CAPN2: variants seen among roughly 807,000 people sequenced by gnomAD.
CAPN2 encodes calpain-2 catalytic subunit.
Under a neutral mutation model 102.3 loss-of-function variants are expected in CAPN2, and 92 were observed. The observed-to-expected ratio is 0.90, with a 90% CI of 0.76 to 1.07. The LOEUF (loss-of-function observed/expected upper bound fraction) is 1.07, where lower values mean the gene tolerates loss of function less well. CAPN2 is among the 50% of genes least tolerant of loss of function. CAPN2 has a pLI of 0.00. For missense variants in CAPN2, 800 were observed against 909.4 expected, an observed-to-expected ratio of 0.88 and a Z score of 1.55; for synonymous variants, 340 against 355.4, an observed-to-expected ratio of 0.96 and a Z score of 0.49.
At position 223,759,023 on chromosome 1, in the gene CAPN2, A is replaced by G. The variant is rs975348499; in HGVS notation, c.1318-247A>G. 6 of 524,454 alleles carry G rather than the reference A, an allele frequency of 1.1e-5. No individual in the cohort carries two copies. Among genetic ancestry groups the G allele is most frequent in the African/African-American group, 5.7e-5 (3 of 52,184 alleles). 32.5% of individuals were successfully genotyped at this position (524,454 alleles called of 1,614,324 possible). On this transcript the variant is annotated intron_variant, in intron 11 of 20. Transcript: ENST00000295006. This position sits in a 1 kb window ranked among gnomAD's most constrained non-coding sequence, Gnocchi z 4.6. ...GCTTTTTATCTAAAATGACCCAGGC[A>G]TTGTCACTGTACTGCTATTTTTTTA... is the stretch of plus-strand genomic sequence containing the variant.
At chr1:223,714,800 T>G (rs1659833631) in intron 1 of CAPN2, among the ~76,000 whole-genome samples, 1 of 152,218 alleles carries the variant, frequency 6.6e-6, no homozygotes, top group Non-Finnish European at 1.5e-5. Context: ...TGGTTTCTGC[T>G]TCTGAAGACT....
chr1:223,753,335 G>A (rs1188827982), intron 9 of CAPN2, among the ~76,000 whole-genome samples: 2 of 152,172 alleles, frequency 1.3e-5, no homozygotes, highest in African/African-American at 4.8e-5. Context: ...CCCACACCCA[G>A]GCAGCCGAGC....
rs1250946009 is a variant in CAPN2 at position 223,726,735 on chromosome 1, G to T, written c.307+8904G>T. Reference sequence around the variant, plus strand: ...CTTCTTGTTAATAAGGGTGGGGCATGAGTAAAATGGAGGATCTGCCCCCTC... The same window carrying T: ...CTTCTTGTTAATAAGGGTGGGGCATTAGTAAAATGGAGGATCTGCCCCCTC... On this transcript the variant is annotated intron_variant, in intron 2 of 20. Coordinates refer to ENST00000295006, the MANE Select transcript of CAPN2 (RefSeq NM_001748.5). The surrounding 1 kb of genome is among the most constrained non-coding windows in gnomAD (Gnocchi z 4.4). Among the ~76,000 whole-genome samples, 1 of 152,204 alleles carries T rather than the reference G, an allele frequency of 6.6e-6. No homozygotes were observed. Among genetic ancestry groups the T allele is most frequent in the Non-Finnish European group, 1.5e-5 (1 of 68,022 alleles).
At chr1:223,706,560 A>G (rs987917530) in intron 1 of CAPN2, among the ~76,000 whole-genome samples, 3 of 152,118 alleles carry the variant, frequency 2.0e-5, no homozygotes, top group African/African-American at 7.2e-5. Flanking sequence ...ACAGACCCCA[A>G]GGGACCATGG....
chr1:223,746,916 C>G, intron 4 of CAPN2, 81 bp from the exon 5 acceptor site: 1 of 1,240,972 alleles, frequency 8.1e-7, no homozygotes. Context: ...CAAATCTAGA[C>G]GGTACTAGGG....
intron 2 of CAPN2, among the ~76,000 whole-genome samples, chr1:223,734,836 T>G (rs955327767): frequency 6.6e-6 from 1 of 152,196 alleles, no homozygotes; most frequent in South Asian, 2.1e-4. Context: ...CTCAGTGCCA[T>G]GAGACAGTCT....
intron 18 of CAPN2, 59 bp from the exon 19 acceptor site, chr1:223,771,750 G>T (rs12080250): frequency 9.6e-7 from 1 of 1,036,832 alleles, no homozygotes; most frequent in Non-Finnish European, 1.5e-6. Context: ...GCCTGTGAGC[G>T]CAGCTAAATG....
At chr1:223,757,168 G>T (rs1173968326) in intron 10 of CAPN2, among the ~76,000 whole-genome samples, 3 of 152,234 alleles carry the variant, frequency 2.0e-5, no homozygotes, top group Non-Finnish European at 4.4e-5. Flanking sequence ...GTTAGGAAGG[G>T]AGGTGAGGGC....
chr1:223,765,888 C>T (rs748011801), intron 15 of CAPN2, among the ~76,000 whole-genome samples: 2 of 152,242 alleles, frequency 1.3e-5, no homozygotes, highest in Non-Finnish European at 2.9e-5. Flanking sequence ...TCACTTAGTG[C>T]AGCACAAATA....
At chr1:223,760,703 A>T (rs1661162867) in intron 12 of CAPN2, among the ~76,000 whole-genome samples, 1 of 151,760 alleles carries the variant, frequency 6.6e-6, no homozygotes, top group African/African-American at 2.4e-5. Context: ...GCCACAAGTC[A>T]CTCTCCCAGG....
chr1:223,706,351 G>T (rs181132744), intron 1 of CAPN2, among the ~76,000 whole-genome samples: 35 of 152,180 alleles, frequency 2.3e-4, no homozygotes, highest in Non-Finnish European at 2.1e-4. Flanking sequence ...TATGAGGAAA[G>T]AATAAACCCT....
At position 223,768,816 on chromosome 1, in the gene CAPN2, T is replaced by G. The variant is rs564331062; in HGVS notation, c.1756-1025T>G. Among the ~76,000 whole-genome samples, 694 of 151,744 alleles carry G rather than the reference T, an allele frequency of 4.6e-3. 3 individuals carry two copies. Among genetic ancestry groups the G allele is most frequent in the Middle Eastern group, 0.017 (5 of 294 alleles). ...TCACAATATTGATTCTTCCTACCCA[T>G]GAGCATGGAATGTTCTTCCATTTGT... On this transcript the variant is annotated intron_variant, in intron 16 of 20. Coordinates refer to ENST00000295006, the MANE Select transcript of CAPN2 (RefSeq NM_001748.5).
Position 223,769,870 on chromosome 1 carries a change from G to A in CAPN2, c.1785G>A (p.Lys595=), listed in dbSNP as rs1661426968. The A allele has an allele frequency of 6.2e-7, 1 of 1,609,038 alleles. No homozygotes were observed. The highest frequency in any genetic ancestry group is 2.2e-5 in the East Asian group (1 of 44,754). Residue 595 remains lysine, a synonymous_variant, in exon 17 of 21, where the codon AAG becomes AAA. Coordinates refer to ENST00000295006, the MANE Select transcript of CAPN2 (RefSeq NM_001748.5). ...ACGGGAGTGGCAAGCTGGGGCTGAA[G>A]GAGTTCTACATTCTCTGGACGAAGA... ...DSDGSGKLGL[K]EFYILWTKIQ...
intron 2 of CAPN2, among the ~76,000 whole-genome samples, chr1:223,742,291 C>T (rs1660636453): frequency 6.6e-6 from 1 of 151,836 alleles, no homozygotes; most frequent in Non-Finnish European, 1.5e-5. Flanking sequence ...ACTTGGGAGG[C>T]TGAGGCAGGA....
At position 223,769,714 on chromosome 1, in the gene CAPN2, A is replaced by T. The variant is rs575115459; in HGVS notation, c.1756-127A>T. ...TTTAGCCAGTGGGAAAAGCAGGAAA[A>T]GGATCCTTCTGCAAACCCTCCTTGT... On this transcript the variant is annotated intron_variant, in intron 16 of 20. Transcript: ENST00000295006. 38 of 727,124 alleles carry T rather than the reference A, an allele frequency of 5.2e-5. No individual in the cohort carries two copies. The South Asian group carries it at 5.6e-4, about 11-fold the overall frequency. 45.0% of individuals were successfully genotyped at this position (727,124 alleles called of 1,614,324 possible). A position where few individuals can be genotyped will look rare whatever the true frequency, so the allele number is the denominator to read the frequency against.
rs761709505 is a variant in CAPN2 at position 223,759,186 on chromosome 1, C to T, written c.1318-84C>T. Reference sequence around the variant, plus strand: ...AGGACTGAGCCACCACACTACCCAACTGCTTTTATCTCAGTGAATGAAAAT... The same window carrying T: ...AGGACTGAGCCACCACACTACCCAATTGCTTTTATCTCAGTGAATGAAAAT... On this transcript the variant is annotated intron_variant, in intron 11 of 20. Coordinates refer to ENST00000295006, the MANE Select transcript of CAPN2 (RefSeq NM_001748.5). The surrounding 1 kb of genome is among the most constrained non-coding windows in gnomAD (Gnocchi z 4.6). The T allele has an allele frequency of 4.6e-6, 6 of 1,311,678 alleles. No homozygotes were observed. In the Admixed American group the frequency reaches 1.1e-4, roughly 23 times the overall value. 81.3% of individuals were successfully genotyped at this position (1,311,678 alleles called of 1,614,324 possible).
At position 223,755,457 on chromosome 1, in the gene CAPN2, C is replaced by T. The variant is rs1298275523; in HGVS notation, c.1136-23C>T. ...ATGCATTCCTGCTCAGGGCTGGGCTCCTCTGCCCCTTTCTGGCTGCAGACA... is the reference window on the plus strand; with the variant it reads ...ATGCATTCCTGCTCAGGGCTGGGCTTCTCTGCCCCTTTCTGGCTGCAGACA... On this transcript the variant is annotated intron_variant, in intron 9 of 20. Transcript: ENST00000295006. This position sits in a 1 kb window ranked among gnomAD's most constrained non-coding sequence, Gnocchi z 4.1. 1 of 1,613,264 alleles carries T rather than the reference C, an allele frequency of 6.2e-7. No individual in the cohort carries two copies.
intron 1 of CAPN2, among the ~76,000 whole-genome samples, chr1:223,703,086 C>T (rs1484030414): frequency 6.6e-6 from 1 of 152,140 alleles, no homozygotes; most frequent in African/African-American, 2.4e-5. Flanking sequence ...TCATTTTCTC[C>T]CCCATTTGCT....
chr1:223,705,541 G>A (rs560228391), intron 1 of CAPN2, among the ~76,000 whole-genome samples: 5 of 152,306 alleles, frequency 3.3e-5, no homozygotes, highest in Admixed American at 2.0e-4. Flanking sequence ...GGGATTGGAG[G>A]CTTGTCTTGT....
Sources: gnomAD v4.1 joint callset for allele counts (sites outside exome capture counted in the v4.1 genomes callset) on GRCh38, gnomAD v4.1.1 for gene constraint, Gnocchi (gnomAD v3.1) non-coding constraint, MANE v1.5 for transcripts, NCBI Gene and HGNC (gene_info 2026-07-23, HGNC 2026-07-21) for gene names.